SCOC: variants seen among roughly 807,000 people sequenced by gnomAD.
SCOC encodes the protein short coiled-coil protein, also known as short coiled coil protein.
A neutral mutation model predicts 9.9 loss-of-function variants in SCOC; 7 were observed. That is an observed-to-expected ratio of 0.71 (90% CI 0.40 to 1.33). SCOC has a LOEUF of 1.33. Among genes scored for constraint, SCOC ranks in the 40% most tolerant of loss-of-function variants. SCOC has a pLI of 0.01. For missense variants in SCOC, 66 were observed against 89.7 expected, an observed-to-expected ratio of 0.74 and a Z score of 1.07; for synonymous variants, 19 against 28.2, an observed-to-expected ratio of 0.67 and a Z score of 1.03.
chr4:140,348,967 T>C (rs1726861540), intron 2 of SCOC, among the ~76,000 whole-genome samples: 1 of 152,238 alleles, frequency 6.6e-6, no homozygotes, highest in Admixed American at 6.5e-5. Flanking sequence ...TTAGTGGTAT[T>C]GAGCTCATTT....
At chr4:140,290,030 T>G (rs1731424356) in intron 1 of SCOC, among the ~76,000 whole-genome samples, 1 of 152,212 alleles carries the variant, frequency 6.6e-6, no homozygotes, top group Non-Finnish European at 1.5e-5. Flanking sequence ...TCTTTCAGTG[T>G]TTTTACTCCC....
rs766013073 is a variant in SCOC at position 140,381,122 on chromosome 4, G to C, written c.*18G>C. 9 of 1,562,428 alleles carry C rather than the reference G, an allele frequency of 5.8e-6. No individual in the cohort carries two copies. The highest frequency in any genetic ancestry group is 7.7e-6 in the Non-Finnish European group (9 of 1,164,258). On this transcript the variant is annotated 3_prime_UTR_variant, in exon 4 of 4. Coordinates refer to ENST00000608372, the MANE Select transcript of SCOC (RefSeq NM_001153484.2). ...GAAAGTAAGGGATTGACACCCTTCT[G>C]TTTTATGGAATTGCTGCTGATCATT...
chr4:140,363,040 G>C (rs536309256), intron 2 of SCOC, among the ~76,000 whole-genome samples: 1 of 152,286 alleles, frequency 6.6e-6, no homozygotes, highest in African/African-American at 2.4e-5. Context: ...GAGCAAGCTT[G>C]CTTCCACTTG....
At chr4:140,322,876 G>A (rs72937801) in intron 1 of SCOC, among the ~76,000 whole-genome samples, 3,387 of 152,180 alleles carry the variant, frequency 0.022, 57 homozygotes, top group African/African-American at 0.036. Context: ...GACAACAAGA[G>A]AATGGCCCCG....
At chr4:140,327,407 C>A (rs1268988141) in intron 1 of SCOC, among the ~76,000 whole-genome samples, 3 of 148,364 alleles carry the variant, frequency 2.0e-5, no homozygotes, top group African/African-American at 5.1e-5. Context: ...TCTAAGGTTA[C>A]AATAATTCTT....
chr4:140,288,807 C>A (rs1204725907), intron 1 of SCOC, among the ~76,000 whole-genome samples: 1 of 152,052 alleles, frequency 6.6e-6, no homozygotes, highest in South Asian at 2.1e-4. Flanking sequence ...ACACAGTACA[C>A]GTAAATACCC....
chr4:140,341,460 G>A (rs1285381953), upstream of SCOC, among the ~76,000 whole-genome samples: 1 of 152,142 alleles, frequency 6.6e-6, no homozygotes, highest in Non-Finnish European at 1.5e-5. Flanking sequence ...CTCTCTACAT[G>A]CCTCAGCTCC....
chr4:140,300,007 C>G (rs561855729), intron 1 of SCOC, among the ~76,000 whole-genome samples: 1 of 152,146 alleles, frequency 6.6e-6, no homozygotes, highest in Non-Finnish European at 1.5e-5. Context: ...ATAGGCCCAG[C>G]TTTGAGGTAA....
chr4:140,321,832 C>T (rs532500256), intron 1 of SCOC, among the ~76,000 whole-genome samples: 2 of 152,166 alleles, frequency 1.3e-5, no homozygotes, highest in East Asian at 3.9e-4. Flanking sequence ...TGAATGTATC[C>T]CCCTCAGATT....
chr4:140,261,658 T>C (rs1730636910), intron 1 of SCOC, among the ~76,000 whole-genome samples: 1 of 152,234 alleles, frequency 6.6e-6, no homozygotes. Flanking sequence ...GCTTACAGTC[T>C]AGTGCTGAGA....
chr4:140,384,680 T>C lies in SCOC; in HGVS notation c.*3576T>C, dbSNP rs1728654280. On this transcript the variant is annotated 3_prime_UTR_variant, in exon 4 of 4. Transcript: ENST00000608372. ...TATACAGTCCTGAGTAAAGTCTTCT[T>C]TACTGCTTTAACAAGTGTCAGAATG... 6.6e-6 allele frequency: 1 copy of C among 152,216 alleles called. No homozygotes were observed. Among genetic ancestry groups the C allele is most frequent in the Admixed American group, 6.5e-5 (1 of 15,284 alleles). 9.4% of individuals were successfully genotyped at this position (152,216 alleles called of 1,614,324 possible).
At chr4:140,373,582 T>G (rs1035780942), upstream of SCOC, 7 of 1,551,556 alleles carry the variant, frequency 4.5e-6, no homozygotes, top group South Asian at 7.1e-5. Flanking sequence ...GGCGAGCGGC[T>G]GGGACGGGAT....
upstream of SCOC, among the ~76,000 whole-genome samples, chr4:140,369,515 TC>T (rs1240238599): frequency 1.3e-5 from 2 of 152,192 alleles, no homozygotes; most frequent in Non-Finnish European, 2.9e-5. Context: ...ACCTTAAATA[TC>T]CACAGTACGT....
At chr4:140,370,934 AGGC>A (rs1728027976), upstream of SCOC, among the ~76,000 whole-genome samples, 1 of 148,626 alleles carries the variant, frequency 6.7e-6, no homozygotes, top group African/African-American at 2.5e-5. Context: ...CCTGTCGCCC[AGGC>A]TGGAGTGCAG....
rs1295179030 is a variant in SCOC, at chr4:140,343,793, T to C, written c.70+85T>C. On this transcript the variant is annotated intron_variant, in intron 2 of 4. Transcript: ENST00000338517. Reference sequence around the variant, plus strand: ...AATATAACTTTTATTATTTTCAGTATAATGATAAAGCATACTCATTGTAGA... The same window carrying C: ...AATATAACTTTTATTATTTTCAGTACAATGATAAAGCATACTCATTGTAGA... The C allele has an allele frequency of 3.1e-6, 3 of 953,488 alleles. No homozygotes were observed. The African/African-American group carries it at 5.0e-5, about 16-fold the overall frequency. The allele number at this position is 953,488 out of a possible 1,614,324, so 59.1% of individuals were successfully genotyped here.
At chr4:140,295,788 G>A (rs1445668832) in intron 1 of SCOC, among the ~76,000 whole-genome samples, 3 of 152,046 alleles carry the variant, frequency 2.0e-5, no homozygotes, top group Non-Finnish European at 2.9e-5. Flanking sequence ...AAAATTAGCC[G>A]GGCGCGGTGG....
At chr4:140,318,102 G>T (rs192214702) in intron 1 of SCOC, among the ~76,000 whole-genome samples, 1 of 151,712 alleles carries the variant, frequency 6.6e-6, no homozygotes. Context: ...TGATTTAAAC[G>T]TTAGACCTAA....
intron 1 of SCOC, among the ~76,000 whole-genome samples, chr4:140,310,941 T>C (rs1395137765): frequency 2.0e-5 from 3 of 152,360 alleles, no homozygotes; most frequent in African/African-American, 7.2e-5. Flanking sequence ...TTTTGCTCTG[T>C]GTGTGTGCTC....
upstream of SCOC, among the ~76,000 whole-genome samples, chr4:140,340,637 A>G (rs1020134785): frequency 6.6e-5 from 10 of 152,218 alleles, no homozygotes; most frequent in African/African-American, 1.9e-4. Flanking sequence ...CTAAAACTAT[A>G]CAACTAGTAG....
Sources: gnomAD v4.1 joint callset for allele counts (sites outside exome capture counted in the v4.1 genomes callset) on GRCh38, gnomAD v4.1.1 for gene constraint, MANE v1.5 for transcripts, NCBI Gene and HGNC (gene_info 2026-07-23, HGNC 2026-07-21) for gene names.